Variants in DNAH1 observed in about 807,000 individuals in gnomAD.
DNAH1 encodes dynein axonemal heavy chain 1.
A neutral mutation model predicts 484.3 loss-of-function variants in DNAH1; 327 were observed. The observed-to-expected ratio is 0.68, with a 90% CI of 0.62 to 0.74. The LOEUF is 0.74. Among genes scored for constraint, DNAH1 ranks in the 30% least tolerant of loss-of-function variants. The pLI is 0.00. For missense variants in DNAH1, 5,052 were observed against 5,546.8 expected (o/e 0.91, Z 2.83); for synonymous variants, 2,192 against 2,191.9 (o/e 1.00, Z 0.00).
At chr3:52,356,080 T>C (rs1183607314) in intron 21 of DNAH1, among the ~76,000 whole-genome samples, 5 of 152,142 alleles carry the variant, frequency 3.3e-5, no homozygotes, top group African/African-American at 1.2e-4. Flanking sequence ...GAGTTTGCGC[T>C]GATGGGAGAA....
In DNAH1 at chr3:52,372,278, A is replaced by G; in HGVS notation, c.6718A>G (p.Lys2240Glu). 6.2e-7 allele frequency: 1 copy of G among 1,613,900 alleles called. No homozygotes were observed. Among genetic ancestry groups the G allele is most frequent in the African/African-American group, 1.3e-5 (1 of 75,016 alleles). Residue 2240 changes from lysine to glutamate, a missense_variant, in exon 43 of 78, where the codon AAG (lysine) becomes GAG (glutamate). Transcript: ENST00000420323. ...GTGKTLTISD[K>E]LLKNLALDYI... ...GGGGAAGACGCTCACCATCTCTGAC[A>G]AGCTCCTCAAGAACCTGGCACTGGA... is the stretch of plus-strand genomic sequence containing the variant.
Position 52,397,862 on chromosome 3 carries a change from C to G in DNAH1, c.11943C>G (p.Ser3981Arg). The change falls in exon 74 of 78, where the codon AGC (serine) becomes AGG (arginine). Residue 3981 changes from serine (S) to arginine (R), a missense_variant. By Grantham distance (110) the Ser-to-Arg change is moderately radical. Around this residue, in one of 4 missense-constraint regions of DNAH1, gnomAD observed 853 missense variants for 899.0 expected, o/e 0.95. Coordinates refer to ENST00000420323, the MANE Select transcript of DNAH1 (RefSeq NM_015512.5). ...AACCCAAATCATCTTCTGCAGGCAG[C>G]CAGGGCCGGGAGGAGGTGGGTGGTG... is the stretch of plus-strand genomic sequence containing the variant. ...QLQPKSSSAG[S>R]QGREEIVEDV... The G allele has an allele frequency of 6.2e-7, 1 of 1,604,928 alleles. No homozygotes were observed. The highest frequency in any genetic ancestry group is 8.5e-7 in the Non-Finnish European group (1 of 1,174,988).
chr3:52,399,823 A>G (rs770347876), intron 77 of DNAH1, 44 bp downstream of exon 77: 2 of 1,585,020 alleles, frequency 1.3e-6, no homozygotes, highest in South Asian at 2.3e-5. Context: ...GCGGGGACCC[A>G]GGACTAACCC....
chr3:52,366,997 G>C, intron 36 of DNAH1, 110 bp downstream of exon 36: 2 of 1,329,300 alleles, frequency 1.5e-6, no homozygotes, highest in Non-Finnish European at 2.1e-6. Context: ...GGGCTCTGCA[G>C]CCCAACGCTT....
At chr3:52,356,942 G>A (rs1702634041) in intron 22 of DNAH1, among the ~76,000 whole-genome samples, 164 bp downstream of exon 22, 1 of 151,876 alleles carries the variant, frequency 6.6e-6, no homozygotes. Flanking sequence ...CCCAGCCTCA[G>A]AGTTGCTCCT....
chr3:52,320,840 G>A (rs57441550), intron 1 of DNAH1, among the ~76,000 whole-genome samples: 1,488 of 132,234 alleles, frequency 0.011, 27 homozygotes, highest in African/African-American at 0.041. Context: ...TCGCTCTGTC[G>A]CCTAGGCTGG....
rs1308043449 is a variant in DNAH1, at chr3:52,380,194, G to T, written c.7608+59G>T. ...GGGGTCCTCTTCAATCTGCCTCCCT[G>T]GGGCCCAGGCCCCCTGCAGTCACCA... On this transcript the variant is annotated intron_variant, in intron 48 of 77. Transcript: ENST00000420323. The T allele has an allele frequency of 4.8e-6, 7 of 1,460,974 alleles. No homozygotes were observed. The East Asian group carries it at 1.7e-4, about 36-fold the overall frequency. 90.5% of individuals were successfully genotyped at this position (1,460,974 alleles called of 1,614,324 possible).
intron 11 of DNAH1, among the ~76,000 whole-genome samples, 168 bp from the exon 12 acceptor site, chr3:52,347,656 C>T (rs1047662038): frequency 6.6e-6 from 1 of 152,142 alleles, no homozygotes; most frequent in Non-Finnish European, 1.5e-5. Flanking sequence ...GTTTGGTTGG[C>T]CTGGGTCTTC....
At chr3:52,388,095 C>T in intron 56 of DNAH1, 72 bp from the exon 57 acceptor site, 1 of 1,542,110 alleles carries the variant, frequency 6.5e-7, no homozygotes, top group Non-Finnish European at 8.8e-7. Context: ...CAGCAGGCCC[C>T]ACATCCCAGC....
At chr3:52,354,779 G>A in intron 20 of DNAH1, 64 bp from the exon 21 acceptor site, 1 of 1,543,030 alleles carries the variant, frequency 6.5e-7, no homozygotes, top group South Asian at 1.1e-5. Context: ...CCTGGGCAGG[G>A]CTGGTCAGAC....
rs772243846 is a variant in DNAH1, at chr3:52,353,225, T to C, written c.3150T>C (p.Ala1050=). 4 of 1,613,988 alleles carry C rather than the reference T, an allele frequency of 2.5e-6. No homozygotes were observed. The highest frequency in any genetic ancestry group is 3.4e-6 in the Non-Finnish European group (4 of 1,179,888). The change falls in exon 19 of 78, where the codon GCT becomes GCC. Residue 1050 remains alanine, a synonymous_variant. Coordinates refer to ENST00000420323, the MANE Select transcript of DNAH1 (RefSeq NM_015512.5). The surrounding 1 kb of genome is among the most constrained non-coding windows in gnomAD (Gnocchi z 5.0). ...WMNDPLSAID[A]EQLEKNVVEA... is the part of the protein sequence containing the mutation. ...ATGACCCCCTCTCTGCCATCGATGC[T>C]GAGCAGCTGGAGAAGAACGTGGTTG...
chr3:52,348,061 A>C (rs1702220260), intron 12 of DNAH1, 87 bp downstream of exon 12: 1 of 1,388,124 alleles, frequency 7.2e-7, no homozygotes, highest in East Asian at 2.5e-5. Flanking sequence ...CCACAGTTCA[A>C]CTGTATCACA....
intron 63 of DNAH1, 34 bp from the exon 64 acceptor site, chr3:52,392,430 G>A (rs766602403): frequency 1.9e-5 from 30 of 1,601,648 alleles, no homozygotes; most frequent in Non-Finnish European, 2.4e-5. Flanking sequence ...GGCCCACCAG[G>A]TATTACAGAC....
At chr3:52,393,095 C>T in intron 65 of DNAH1, 70 bp downstream of exon 65, 1 of 1,548,960 alleles carries the variant, frequency 6.5e-7, no homozygotes, top group Non-Finnish European at 8.8e-7. Flanking sequence ...CACTGTGGGG[C>T]ACACACAAAC....
intron 52 of DNAH1, 88 bp downstream of exon 52, chr3:52,384,119 C>A: frequency 7.6e-7 from 1 of 1,318,088 alleles, no homozygotes; most frequent in African/African-American, 1.5e-5. Context: ...GGGTGAGATT[C>A]CCAGGCCCAC....
chr3:52,360,191 A>C (rs373406207), intron 27 of DNAH1, 112 bp downstream of exon 27: 21 of 1,537,770 alleles, frequency 1.4e-5, no homozygotes, highest in Non-Finnish European at 8.9e-7. Context: ...GTTCTGGGAC[A>C]AGCTGGGTAT....
chr3:52,386,705 T>C lies in DNAH1; in HGVS notation c.8855T>C (p.Ile2952Thr), dbSNP rs953159621. ...QRPPPGVKLV[I>T]EAVCIMKGIK... ...CCACCCCCGGGTGTGAAACTGGTCA[T>C]AGAAGCTGTGTGCATTATGAAAGGC... The change falls in exon 56 of 78, where the codon ATA becomes ACA. Residue 2952 changes from isoleucine (I) to threonine (T), a missense_variant. Coordinates refer to ENST00000420323, the MANE Select transcript of DNAH1 (RefSeq NM_015512.5). 1.3e-6 allele frequency: 2 copies of C among 1,592,788 alleles called. No homozygotes were observed. The highest frequency in any genetic ancestry group is 2.7e-5 in the African/African-American group (2 of 74,432).
chr3:52,396,183 T>C (rs1039145486), intron 70 of DNAH1, among the ~76,000 whole-genome samples, 185 bp from the exon 71 acceptor site: 3 of 152,134 alleles, frequency 2.0e-5, no homozygotes, highest in Non-Finnish European at 4.4e-5. Context: ...TTCGCCTGCC[T>C]TGGCCTTCCA....
intron 34 of DNAH1, 116 bp from the exon 35 acceptor site, chr3:52,366,341 A>G: frequency 1.3e-6 from 1 of 769,618 alleles, no homozygotes; most frequent in Non-Finnish European, 2.1e-6. Flanking sequence ...CATTTTATAG[A>G]TGAGGAAATT....
Sources: allele counts gnomAD v4.1 joint callset (sites outside exome capture counted in the v4.1 genomes callset), GRCh38; gene constraint gnomAD v4.1.1; regional missense constraint gnomAD v4.1.1; non-coding constraint Gnocchi (gnomAD v3.1); transcripts MANE v1.5; gene names NCBI Gene and HGNC (gene_info 2026-07-23, HGNC 2026-07-21).